The following ART3 variants were observed in gnomAD, a reference collection of about 807,000 sequenced individuals.
ART3 encodes ecto-ADP-ribosyltransferase 3.
A neutral mutation model predicts 48.5 loss-of-function variants in ART3; 49 were observed. The observed-to-expected ratio is 1.01, with a 90% CI of 0.80 to 1.28. The LOEUF (loss-of-function observed/expected upper bound fraction) is 1.28, where lower values mean the gene tolerates loss of function less well. Among genes scored for constraint, ART3 ranks in the 50% most tolerant of loss-of-function variants. The pLI, the probability that ART3 is intolerant of heterozygous loss-of-function variation, is 0.00. For missense variants in ART3, 438 were observed against 454.3 expected (o/e 0.96, Z 0.33); for synonymous variants, 145 against 157.2 (o/e 0.92, Z 0.58).
chr4:76,102,065 C>T (rs1216191781), intron 8 of ART3, among the ~76,000 whole-genome samples: 1 of 152,186 alleles, frequency 6.6e-6, no homozygotes, highest in East Asian at 1.9e-4. Flanking sequence ...TTGGGCAACA[C>T]TTTATTCCAT....
In ART3 at chr4:76,089,327, A is replaced by G. The variant is rs111416620; in HGVS notation, c.781+6792A>G. Among the ~76,000 whole-genome samples the G allele has an allele frequency of 6.0e-3, 916 of 152,250 alleles. 22 individuals carry two copies. The highest frequency in any genetic ancestry group is 0.021 in the African/African-American group (862 of 41,534). ...ATCTCATGTTCAGTTGTAATCTCCAATGTTGGAGATGGGGCCTGGAAGGAG... is the reference window on the plus strand; with the variant it reads ...ATCTCATGTTCAGTTGTAATCTCCAGTGTTGGAGATGGGGCCTGGAAGGAG... On this transcript the variant is annotated intron_variant, in intron 3 of 11. Coordinates refer to ENST00000355810, the MANE Select transcript of ART3 (RefSeq NM_001130016.3).
intron 2 of ART3, among the ~76,000 whole-genome samples, chr4:76,076,311 G>A (rs1309974414): frequency 1.3e-5 from 2 of 151,996 alleles, no homozygotes; most frequent in African/African-American, 4.8e-5. Flanking sequence ...GCCTGGAATG[G>A]AAATTCTTGA....
chr4:76,070,165 A>G (rs544073996), upstream of ART3, among the ~76,000 whole-genome samples: 1 of 25,172 alleles, frequency 4.0e-5, no homozygotes, highest in Non-Finnish European at 6.6e-5. Context: ...AATTTCTTTT[A>G]AGTATAATGA....
chr4:76,112,098 G>A (rs1463571680), intron 11 of ART3: 4 of 306,668 alleles, frequency 1.3e-5, no homozygotes, highest in Admixed American at 4.8e-5. Flanking sequence ...CCAGTTAATG[G>A]TAGGCTATTA....
intron 1 of ART3, among the ~76,000 whole-genome samples, chr4:76,048,037 A>G (rs6532130): frequency 0.62 from 93,458 of 151,566 alleles, 30,165 homozygotes; most frequent in East Asian, 0.94. Flanking sequence ...CCTATAGCCC[A>G]GGGGTTTTTA....
intron 10 of ART3, 29 bp downstream of exon 10, chr4:76,104,658 G>C (rs747522067): frequency 6.4e-7 from 1 of 1,551,260 alleles, no homozygotes; most frequent in East Asian, 2.4e-5. Context: ...TGCCAGAGGG[G>C]AACATGCCAG....
At chr4:76,091,030 T>G (rs1724770463) in intron 3 of ART3, among the ~76,000 whole-genome samples, 1 of 152,248 alleles carries the variant, frequency 6.6e-6, no homozygotes, top group South Asian at 2.1e-4. Context: ...TTTGCCTGGC[T>G]TCTTTCACTC....
chr4:76,071,362 C>T (rs1211435648), upstream of ART3, among the ~76,000 whole-genome samples: 1 of 138,718 alleles, frequency 7.2e-6, no homozygotes, highest in African/African-American at 3.1e-5. Flanking sequence ...AGCGAGACTC[C>T]ATCTCAAAAA....
In ART3 at chr4:76,081,914, C is replaced by A; in HGVS notation, c.160C>A (p.Gln54Lys). 6.2e-7 allele frequency: 1 copy of A among 1,614,106 alleles called. No homozygotes were observed. Among genetic ancestry groups the A allele is most frequent in the Non-Finnish European group, 8.5e-7 (1 of 1,180,016 alleles). Reference protein sequence around the residue: ...TDRMEIKYVPQLLKEEKASHQ... With the variant: ...TDRMEIKYVPKLLKEEKASHQ... ...CAGGATGGAAATTAAATACGTTCCCCAACTGCTAAAGGAGGAAAAAGCAAG... is the reference window on the plus strand; with the variant it reads ...CAGGATGGAAATTAAATACGTTCCCAAACTGCTAAAGGAGGAAAAAGCAAG... Residue 54 changes from glutamine (Q) to lysine (K), a missense_variant, in exon 3 of 12, where the codon CAA (glutamine) becomes AAA (lysine). Gln to Lys is a moderately conservative substitution (Grantham distance 53). Transcript: ENST00000355810.
intron 8 of ART3, among the ~76,000 whole-genome samples, chr4:76,101,554 T>C (rs1324482855): frequency 2.0e-5 from 3 of 151,932 alleles, no homozygotes; most frequent in Non-Finnish European, 4.4e-5. Flanking sequence ...GATCACGAGA[T>C]CAGCCTGGCC....
chr4:76,068,079 G>T (rs1719918789), intron 1 of ART3, among the ~76,000 whole-genome samples: 1 of 152,154 alleles, frequency 6.6e-6, no homozygotes, highest in African/African-American at 2.4e-5. Flanking sequence ...TTCAAATTGG[G>T]ATACATATAT....
At chr4:76,039,236 A>G (rs1734728675) in intron 1 of ART3, among the ~76,000 whole-genome samples, 1 of 151,834 alleles carries the variant, frequency 6.6e-6, no homozygotes, top group South Asian at 2.1e-4. Context: ...AGTAGCTGGG[A>G]TTACAGGCAT....
chr4:76,094,144 C>G (rs951185885), intron 3 of ART3, among the ~76,000 whole-genome samples: 1 of 152,144 alleles, frequency 6.6e-6, no homozygotes, highest in Non-Finnish European at 1.5e-5. Flanking sequence ...ATTGAACCTG[C>G]CATTACCTTG....
intron 1 of ART3, among the ~76,000 whole-genome samples, chr4:76,024,584 G>A (rs1733197918): frequency 6.6e-6 from 1 of 152,190 alleles, no homozygotes; most frequent in African/African-American, 2.4e-5. Context: ...AACACATGTT[G>A]AACCTGAGAG....
chr4:76,068,954 T>G (rs2149497641), intron 1 of ART3, among the ~76,000 whole-genome samples: 1 of 152,366 alleles, frequency 6.6e-6, no homozygotes, highest in East Asian at 1.9e-4. Context: ...TGTGCATGGC[T>G]TAAATAGTTT....
intron 2 of ART3, among the ~76,000 whole-genome samples, chr4:76,078,370 G>A (rs72653702): frequency 0.19 from 29,409 of 152,110 alleles, 3,056 homozygotes; most frequent in East Asian, 0.39. Context: ...GGTGTTTTCA[G>A]GGTCTGGTGT....
At chr4:76,074,563 T>A (rs944935303), upstream of ART3, 4 of 152,274 alleles carry the variant, frequency 2.6e-5, no homozygotes, top group African/African-American at 9.6e-5. Flanking sequence ...TACAAGCCTC[T>A]TGGAGATTTA....
At chr4:76,021,826 C>A (rs1732844872) in intron 1 of ART3, 1 of 1,146,038 alleles carries the variant, frequency 8.7e-7, no homozygotes, top group South Asian at 1.3e-5. Context: ...AAACTAAGAA[C>A]AATTATGGCT....
At chr4:76,021,852 G>A (rs1560576989) in intron 1 of ART3, 9 of 1,323,670 alleles carry the variant, frequency 6.8e-6, no homozygotes, top group Non-Finnish European at 8.7e-6. Flanking sequence ...TATACTCCAT[G>A]TAGGGAAGTG....
Sources: allele counts gnomAD v4.1 joint callset (sites outside exome capture counted in the v4.1 genomes callset), GRCh38; gene constraint gnomAD v4.1.1; transcripts MANE v1.5; gene names NCBI Gene and HGNC (gene_info 2026-07-23, HGNC 2026-07-21).